SLC2A1: variants seen among roughly 807,000 people sequenced by gnomAD.
SLC2A1 encodes solute carrier family 2, facilitated glucose transporter member 1.
Under a neutral mutation model 46.6 loss-of-function variants are expected in SLC2A1, and 4 were observed. That is an observed-to-expected ratio of 0.09 (90% CI 0.04 to 0.20). The LOEUF (loss-of-function observed/expected upper bound fraction) is 0.20, where lower values mean the gene tolerates loss of function less well. SLC2A1 is among the 10% of genes least tolerant of loss of function. The pLI is 1.00. For missense variants in SLC2A1, 352 were observed against 667.0 expected, an observed-to-expected ratio of 0.53 and a Z score of 5.20; for synonymous variants, 253 against 270.0, an observed-to-expected ratio of 0.94 and a Z score of 0.62.
In SLC2A1 at chr1:42,930,947, C is replaced by T. The variant is rs1033693603; in HGVS notation, c.276-81G>A. On this transcript the variant is annotated intron_variant, in intron 3 of 9. Transcript: ENST00000426263. This position sits in a 1 kb window ranked among gnomAD's most constrained non-coding sequence, Gnocchi z 6.2. ...CTGGGTCAGAGGTAATACCCTGGAACAGGCAGATAAGTCTCCCCTACCTCC... is the reference window on the plus strand; with the variant it reads ...CTGGGTCAGAGGTAATACCCTGGAATAGGCAGATAAGTCTCCCCTACCTCC... 6.2e-7 allele frequency: 1 copy of T among 1,606,604 alleles called. No homozygotes were observed. Among genetic ancestry groups the T allele is most frequent in the Non-Finnish European group, 8.5e-7 (1 of 1,178,144 alleles).
chr1:42,930,030 G>C lies in SLC2A1; in HGVS notation c.522C>G (p.Phe174Leu). The change falls in exon 5 of 10, where the codon TTC becomes TTG. Residue 174 changes from phenylalanine to leucine, a missense_variant. Phe to Leu is a conservative substitution (Grantham distance 22). Transcript: ENST00000426263. This position sits in a 1 kb window ranked among gnomAD's most constrained non-coding sequence, Gnocchi z 6.2. ...IVVGILIAQV[F>L]GLDSIMGNKD... ...TGTTGCCCATGATGGAGTCCAGGCC[G>C]AACACCTGGGGGAAGCAGGGGCCGT... The C allele has an allele frequency of 1.2e-6, 2 of 1,613,970 alleles. No individual in the cohort carries two copies. The highest frequency in any genetic ancestry group is 1.7e-6 in the Non-Finnish European group (2 of 1,180,028).
intron 2 of SLC2A1, among the ~76,000 whole-genome samples, chr1:42,938,114 T>C (rs1643560253): frequency 1.3e-5 from 2 of 152,242 alleles, no homozygotes; most frequent in South Asian, 4.1e-4. Context: ...CAGTCATCTC[T>C]ACTGGCAGCT....
Position 42,929,182 on chromosome 1 carries a change from C to T in SLC2A1, c.972+28G>A, listed in dbSNP as rs1180269257. The T allele has an allele frequency of 6.3e-7, 1 of 1,599,910 alleles. No homozygotes were observed. ...GCACTGCCTCCTCCCTGGGGTTTGG[C>T]TGGGGGGGCCAGTAAGCAAAGACTC... is the stretch of plus-strand genomic sequence containing the variant. On this transcript the variant is annotated intron_variant, in intron 7 of 9. Coordinates refer to ENST00000426263, the MANE Select transcript of SLC2A1 (RefSeq NM_006516.4). The surrounding 1 kb of genome is among the most constrained non-coding windows in gnomAD (Gnocchi z 6.0).
rs1351480146 is a variant in SLC2A1, at chr1:42,954,898, A to C, written c.18+3736T>G. 6.6e-6 allele frequency among the ~76,000 whole-genome samples: 1 copy of C among 152,234 alleles called. No individual in the cohort carries two copies. The highest frequency in any genetic ancestry group is 1.5e-5 in the Non-Finnish European group (1 of 68,040). ...ATTCAGAAAGGTAGGCAGGAAGCCT[A>C]AGGCAAAAAAGCAAAGCAAAGAAGC... On this transcript the variant is annotated intron_variant, in intron 1 of 9. Coordinates refer to ENST00000426263, the MANE Select transcript of SLC2A1 (RefSeq NM_006516.4). The surrounding 1 kb of genome is among the most constrained non-coding windows in gnomAD (Gnocchi z 4.2).
At chr1:42,944,893 C>G (rs561513912) in intron 1 of SLC2A1, among the ~76,000 whole-genome samples, 11 of 152,252 alleles carry the variant, frequency 7.2e-5, no homozygotes, top group South Asian at 6.2e-4. Flanking sequence ...GCCCCCACCC[C>G]CCGTATGTCC....
intron 2 of SLC2A1, among the ~76,000 whole-genome samples, chr1:42,937,139 C>A (rs1488372328): frequency 6.6e-6 from 1 of 152,252 alleles, no homozygotes; most frequent in African/African-American, 2.4e-5. Context: ...CCTGCTCCCA[C>A]TGTGCTTGCT....
At chr1:42,935,665 A>G (rs1643535518) in intron 2 of SLC2A1, among the ~76,000 whole-genome samples, 1 of 152,258 alleles carries the variant, frequency 6.6e-6, no homozygotes, top group African/African-American at 2.4e-5. Flanking sequence ...GCTAGTCTCC[A>G]GACCCTGCTC....
chr1:42,933,774 A>G (rs1209762476), intron 2 of SLC2A1, among the ~76,000 whole-genome samples: 2 of 151,936 alleles, frequency 1.3e-5, no homozygotes, highest in African/African-American at 4.8e-5. Context: ...TTCCTGACCC[A>G]TTATGGGGTG....
At chr1:42,953,012 A>G (rs553590835) in intron 1 of SLC2A1, among the ~76,000 whole-genome samples, 15 of 152,324 alleles carry the variant, frequency 9.8e-5, no homozygotes, top group East Asian at 3.9e-4. Flanking sequence ...AAGCTCCAAC[A>G]AGAAGTGTGG....
At chr1:42,956,606 T>C (rs1359156059) in intron 1 of SLC2A1, among the ~76,000 whole-genome samples, 1 of 151,532 alleles carries the variant, frequency 6.6e-6, no homozygotes, top group African/African-American at 2.4e-5. Context: ...TAAATAAAAA[T>C]AAAAAAATAA....
In SLC2A1 at chr1:42,954,392, G is replaced by A. The variant is rs879401446; in HGVS notation, c.18+4242C>T. Among the ~76,000 whole-genome samples, 6 of 152,146 alleles carry A rather than the reference G, an allele frequency of 3.9e-5. No individual in the cohort carries two copies. The highest frequency in any genetic ancestry group is 6.5e-5 in the Admixed American group (1 of 15,272). On this transcript the variant is annotated intron_variant, in intron 1 of 9. Coordinates refer to ENST00000426263, the MANE Select transcript of SLC2A1 (RefSeq NM_006516.4). This position sits in a 1 kb window ranked among gnomAD's most constrained non-coding sequence, Gnocchi z 4.2. ...ACAAAAAAATTAGCCGGGCATGGTG[G>A]CACATGCCTGTAATCCCAGCTACTC...
At chr1:42,950,559 G>A (rs1557653862) in intron 1 of SLC2A1, among the ~76,000 whole-genome samples, 1 of 152,240 alleles carries the variant, frequency 6.6e-6, no homozygotes, top group South Asian at 2.1e-4. Context: ...TTGGTGGTGA[G>A]ATGGGCAATA....
chr1:42,953,399 G>A (rs1278703652), intron 1 of SLC2A1, among the ~76,000 whole-genome samples: 1 of 152,262 alleles, frequency 6.6e-6, no homozygotes, highest in African/African-American at 2.4e-5. Context: ...CGTGGAGAGA[G>A]GTAACAATTG....
chr1:42,943,999 C>T (rs1243701180), intron 1 of SLC2A1, among the ~76,000 whole-genome samples: 1 of 152,218 alleles, frequency 6.6e-6, no homozygotes, highest in Non-Finnish European at 1.5e-5. Context: ...CACTCAGGAG[C>T]CTGCAGCAGA....
chr1:42,935,342 C>G (rs1433323588), intron 2 of SLC2A1, among the ~76,000 whole-genome samples: 2 of 152,164 alleles, frequency 1.3e-5, no homozygotes, highest in African/African-American at 4.8e-5. Context: ...CTGCCCAAGC[C>G]TAAGGACACC....
At position 42,928,922 on chromosome 1, in the gene SLC2A1, A is replaced by C. The variant is rs1168534207; in HGVS notation, c.1074+10T>G. The C allele has an allele frequency of 6.2e-7, 1 of 1,611,662 alleles. No homozygotes were observed. The highest frequency in any genetic ancestry group is 2.2e-5 in the East Asian group (1 of 44,864). ...CCGCATCCCTCACTCTCCAGAACCT[A>C]GCAACTCACCAGCAGTGCTAGCGCG... On this transcript the variant is annotated intron_variant, in intron 8 of 9. Coordinates refer to ENST00000426263, the MANE Select transcript of SLC2A1 (RefSeq NM_006516.4).
intron 1 of SLC2A1, among the ~76,000 whole-genome samples, chr1:42,948,865 C>T (rs1435492654): frequency 6.6e-6 from 1 of 151,964 alleles, no homozygotes. Flanking sequence ...GAGATCGAGA[C>T]CATCCTGGCT....
At chr1:42,938,135 G>T (rs895703557) in intron 2 of SLC2A1, among the ~76,000 whole-genome samples, 4 of 152,152 alleles carry the variant, frequency 2.6e-5, no homozygotes, top group Non-Finnish European at 4.4e-5. Flanking sequence ...CAGTCATTTG[G>T]GGAGGGGAAA....
Position 42,927,456 on chromosome 1 carries a change from G to T in SLC2A1, c.1278+149C>A. 1 of 861,494 alleles carries T rather than the reference G, an allele frequency of 1.2e-6. No individual in the cohort carries two copies. Among genetic ancestry groups the T allele is most frequent in the African/African-American group, 1.7e-5 (1 of 59,570 alleles). The allele number at this position is 861,494 out of a possible 1,614,324, so 53.4% of individuals were successfully genotyped here. A position where few individuals can be genotyped will look rare whatever the true frequency, so the allele number is the denominator to read the frequency against. ...AGGCTAAGGGGAGAACCCTGGAGTT[G>T]AGGTCAGCATTCTTGGTCATGTGAC... On this transcript the variant is annotated intron_variant, in intron 9 of 9. Transcript: ENST00000426263. This position sits in a 1 kb window ranked among gnomAD's most constrained non-coding sequence, Gnocchi z 5.3.
Sources: allele counts gnomAD v4.1 joint callset (sites outside exome capture counted in the v4.1 genomes callset), GRCh38; gene constraint gnomAD v4.1.1; non-coding constraint Gnocchi (gnomAD v3.1); transcripts MANE v1.5; gene names NCBI Gene and HGNC (gene_info 2026-07-23, HGNC 2026-07-21).